The following ACBD6 variants were observed in gnomAD, a reference collection of about 807,000 sequenced individuals.
ACBD6 encodes acyl-CoA binding domain containing 6, also known as acyl-CoA-binding domain-containing protein 6.
A neutral mutation model predicts 37.2 loss-of-function variants in ACBD6; 28 were observed. The ratio of observed to expected loss-of-function variants is 0.75; its 90% CI spans 0.56 to 1.03. ACBD6 has a LOEUF of 1.03. ACBD6 is among the 50% of genes least tolerant of loss of function. ACBD6 has a pLI of 0.00. For synonymous variants in ACBD6, 113 were observed against 126.8 expected, an observed-to-expected ratio of 0.89 and a Z score of 0.73; for missense variants, 340 against 337.4, an observed-to-expected ratio of 1.01 and a Z score of -0.06.
At chr1:180,401,875 A>C (rs918235341) in intron 5 of ACBD6, among the ~76,000 whole-genome samples, 2 of 152,020 alleles carry the variant, frequency 1.3e-5, no homozygotes, top group Admixed American at 6.6e-5. Flanking sequence ...TTCTTATGAT[A>C]TTTTGAGATC....
At chr1:180,404,060 C>T (rs1571463336) in intron 5 of ACBD6, among the ~76,000 whole-genome samples, 1 of 152,110 alleles carries the variant, frequency 6.6e-6, no homozygotes, top group East Asian at 1.9e-4. Context: ...AAGAGATTCT[C>T]CTGCCTCAGT....
intron 3 of ACBD6, among the ~76,000 whole-genome samples, chr1:180,461,628 C>T (rs553023556): frequency 2.6e-5 from 4 of 152,306 alleles, no homozygotes; most frequent in African/African-American, 9.6e-5. Context: ...TTAAAGAAAA[C>T]TAATTCCAAC....
intron 3 of ACBD6, chr1:180,435,828 G>C: frequency 1.9e-6 from 2 of 1,055,350 alleles, no homozygotes; most frequent in Non-Finnish European, 3.0e-6. Context: ...ATGGGTTTAG[G>C]ATACACTCAG....
At chr1:180,468,925 T>C (rs1347572657) in intron 3 of ACBD6, among the ~76,000 whole-genome samples, 2 of 152,208 alleles carry the variant, frequency 1.3e-5, no homozygotes, top group Non-Finnish European at 2.9e-5. Context: ...GTTTTCCATA[T>C]GTCCTCAACT....
chr1:180,474,119 GACC>G (rs1300165110), intron 3 of ACBD6, among the ~76,000 whole-genome samples: 3 of 152,020 alleles, frequency 2.0e-5, no homozygotes, highest in Non-Finnish European at 2.9e-5. Context: ...CTGAATTAAA[GACC>G]ACTTTTCTAT....
chr1:180,315,877 T>G (rs1424273962), intron 6 of ACBD6, among the ~76,000 whole-genome samples: 5 of 152,106 alleles, frequency 3.3e-5, no homozygotes, highest in African/African-American at 1.2e-4. Context: ...GAAGTAATTT[T>G]AGCAGGGAGT....
At chr1:180,282,134 A>AG (rs1298245361) in intron 8 of ACBD6, among the ~76,000 whole-genome samples, 1 of 152,218 alleles carries the variant, frequency 6.6e-6, no homozygotes, top group African/African-American at 2.4e-5. Context: ...TCTGTAATTA[A>AG]ATTGGGCAAG....
At chr1:180,500,071 G>A (rs1179552541) in intron 1 of ACBD6, among the ~76,000 whole-genome samples, 1 of 150,570 alleles carries the variant, frequency 6.6e-6, no homozygotes, top group Non-Finnish European at 1.5e-5. Flanking sequence ...CTATGAGTGT[G>A]TAACTGCCCT....
At chr1:180,442,056 A>C (rs184210817) in intron 3 of ACBD6, among the ~76,000 whole-genome samples, 9 of 152,318 alleles carry the variant, frequency 5.9e-5, no homozygotes, top group African/African-American at 1.9e-4. Context: ...ATAGAATTAC[A>C]GGTTGGTCGT....
chr1:180,316,335 C>T (rs770374126), intron 6 of ACBD6, among the ~76,000 whole-genome samples: 8 of 148,134 alleles, frequency 5.4e-5, no homozygotes, highest in Non-Finnish European at 8.9e-5. Context: ...TGCGTGAGTG[C>T]GCACACACAC....
At chr1:180,427,931 A>AC (rs1648655665) in intron 4 of ACBD6, among the ~76,000 whole-genome samples, 1 of 151,588 alleles carries the variant, frequency 6.6e-6, no homozygotes, top group Admixed American at 6.6e-5. Flanking sequence ...AAAAAAAAAA[A>AC]AAACCAAAAA....
At chr1:180,464,520 A>G (rs1650275538) in intron 3 of ACBD6, among the ~76,000 whole-genome samples, 1 of 152,164 alleles carries the variant, frequency 6.6e-6, no homozygotes, top group Non-Finnish European at 1.5e-5. Flanking sequence ...ATTACAAAAC[A>G]CTGCTCAAAG....
intron 5 of ACBD6, among the ~76,000 whole-genome samples, chr1:180,399,642 T>C (rs558529287): frequency 1.3e-5 from 2 of 152,344 alleles, no homozygotes; most frequent in South Asian, 2.1e-4. Context: ...AGCAGTTTCC[T>C]ATGTTAAAAT....
intron 6 of ACBD6, among the ~76,000 whole-genome samples, chr1:180,379,740 G>A (rs1042172562): frequency 6.6e-6 from 1 of 152,100 alleles, no homozygotes; most frequent in African/African-American, 2.4e-5. Flanking sequence ...AAAACAATGA[G>A]TAAAACCTTT....
chr1:180,387,210 G>T (rs1653877083), intron 6 of ACBD6, among the ~76,000 whole-genome samples: 1 of 152,130 alleles, frequency 6.6e-6, no homozygotes, highest in Non-Finnish European at 1.5e-5. Flanking sequence ...CAACCCTTCT[G>T]TCATGTTAAT....
Position 180,274,419 on chromosome 1 carries a change from TGGGCATCATTGCGCATGCA to T in ACBD6, c.*936+213_*936+231del, listed in dbSNP as rs762418909. On this transcript the variant is annotated intron_variant, in intron 10 of 13. Coordinates refer to the ACBD6 transcript ENST00000642319. ...CTGGATTACACGGTGGACAGTAATT[TGGGCATCATTGCGCATGCA>T]GGGCAGGGAGTAAGCCAGACGCTGA... 2.5e-6 allele frequency: 4 copies of T among 1,614,166 alleles called. No individual in the cohort carries two copies. The South Asian group carries it at 4.4e-5, about 18-fold the overall frequency.
At chr1:180,500,348 A>G (rs914803547) in intron 1 of ACBD6, among the ~76,000 whole-genome samples, 2 of 152,100 alleles carry the variant, frequency 1.3e-5, no homozygotes, top group African/African-American at 2.4e-5. Context: ...TCTTGTCAGC[A>G]ATTTTTCAGG....
intron 1 of ACBD6, among the ~76,000 whole-genome samples, chr1:180,498,943 T>C (rs927727478): frequency 1.7e-4 from 26 of 152,056 alleles, no homozygotes; most frequent in African/African-American, 6.0e-4. Flanking sequence ...TTTTCACAGC[T>C]GTCAATTAGC....
chr1:180,433,303 CA>C (rs1648883046), intron 3 of ACBD6, among the ~76,000 whole-genome samples: 1 of 152,184 alleles, frequency 6.6e-6, no homozygotes, highest in African/African-American at 2.4e-5. Flanking sequence ...ATGATCATCT[CA>C]ATTGATACAG....
Sources: allele counts gnomAD v4.1 joint callset (sites outside exome capture counted in the v4.1 genomes callset), GRCh38; gene constraint gnomAD v4.1.1; transcripts MANE v1.5; gene names NCBI Gene and HGNC (gene_info 2026-07-23, HGNC 2026-07-21).